Variants in CCSER1 observed in about 807,000 individuals in gnomAD.
CCSER1 encodes the protein serine-rich coiled-coil domain-containing protein 1.
Under a neutral mutation model 82.0 loss-of-function variants are expected in CCSER1, and 41 were observed. The observed-to-expected ratio is 0.50, with a 90% CI of 0.39 to 0.65. The LOEUF (loss-of-function observed/expected upper bound fraction) is 0.65. CCSER1 is among the 30% of genes least tolerant of loss of function. The pLI is 0.00. For synonymous variants in CCSER1, 414 were observed against 383.9 expected, an observed-to-expected ratio of 1.08 and a Z score of -0.92; for missense variants, 1,119 against 1,064.2, an observed-to-expected ratio of 1.05 and a Z score of -0.72.
chr4:91,534,288 T>C (rs1363132467), intron 10 of CCSER1, among the ~76,000 whole-genome samples: 1 of 152,074 alleles, frequency 6.6e-6, no homozygotes, highest in African/African-American at 2.4e-5. Flanking sequence ...TTTGCTCACA[T>C]TGATTTTGCT....
At chr4:91,113,250 A>G (rs985771343) in intron 10 of CCSER1, among the ~76,000 whole-genome samples, 1 of 152,126 alleles carries the variant, frequency 6.6e-6, no homozygotes, top group South Asian at 2.1e-4. Context: ...AACGCATGAC[A>G]TTGTGTTGGG....
chr4:90,712,903 CT>C (rs199959503), intron 6 of CCSER1, among the ~76,000 whole-genome samples: 19,739 of 133,356 alleles, frequency 0.15, 1,627 homozygotes, highest in Non-Finnish European at 0.2. Flanking sequence ...TCCTTCGTCT[CT>C]TTTTTTTTTT....
chr4:91,567,801 G>A (rs897800940), intron 10 of CCSER1, among the ~76,000 whole-genome samples: 1 of 152,006 alleles, frequency 6.6e-6, no homozygotes, highest in African/African-American at 2.4e-5. Context: ...TACCCACTGA[G>A]TCTTGCTTTC....
At chr4:90,313,086 C>T (rs1278594004) in intron 3 of CCSER1, 39 bp downstream of exon 3, 1 of 1,450,652 alleles carries the variant, frequency 6.9e-7, no homozygotes, top group Admixed American at 1.9e-5. Flanking sequence ...TAAAATAATG[C>T]TGTCTATATC....
At chr4:90,537,405 A>G (rs866989946) in intron 5 of CCSER1, among the ~76,000 whole-genome samples, 1 of 151,688 alleles carries the variant, frequency 6.6e-6, no homozygotes, top group Non-Finnish European at 1.5e-5. Context: ...TCATTTGGAC[A>G]TTTTATAATG....
At chr4:90,918,703 T>C (rs1465583484) in intron 8 of CCSER1, among the ~76,000 whole-genome samples, 1 of 151,480 alleles carries the variant, frequency 6.6e-6, no homozygotes. Flanking sequence ...ACCCAGCCTT[T>C]TTATATAGAC....
chr4:91,023,767 A>G (rs1043898266), intron 9 of CCSER1, among the ~76,000 whole-genome samples: 7 of 152,214 alleles, frequency 4.6e-5, no homozygotes, highest in Non-Finnish European at 1.0e-4. Context: ...TCATGTCTGA[A>G]ACACCAAAAG....
At chr4:90,752,573 G>A (rs1748834808) in intron 7 of CCSER1, among the ~76,000 whole-genome samples, 2 of 151,958 alleles carry the variant, frequency 1.3e-5, no homozygotes, top group African/African-American at 2.4e-5. Context: ...AATAGTGGGG[G>A]CAGTTTTCTT....
intron 10 of CCSER1, among the ~76,000 whole-genome samples, chr4:91,398,386 A>AT (rs1244209546): frequency 6.6e-6 from 1 of 152,084 alleles, no homozygotes; most frequent in East Asian, 1.9e-4. Flanking sequence ...TTTATGACAG[A>AT]TTTTTTGCTT....
intron 9 of CCSER1, among the ~76,000 whole-genome samples, chr4:91,078,070 G>A (rs1189320025): frequency 6.6e-6 from 1 of 152,238 alleles, no homozygotes; most frequent in Non-Finnish European, 1.5e-5. Flanking sequence ...AAATGTCCCT[G>A]TCTGGCGGCT....
chr4:90,613,379 G>T (rs796919370), intron 5 of CCSER1, among the ~76,000 whole-genome samples: 7 of 152,218 alleles, frequency 4.6e-5, no homozygotes, highest in African/African-American at 1.7e-4. Context: ...ATTTCAAGAT[G>T]GTGACAGAAG....
chr4:90,348,305 T>C (rs2153508780), intron 3 of CCSER1, among the ~76,000 whole-genome samples: 1 of 152,350 alleles, frequency 6.6e-6, no homozygotes, highest in South Asian at 2.1e-4. Flanking sequence ...TATTCTAAAA[T>C]GAAAGTTTTT....
chr4:90,786,187 G>T (rs530095117), intron 7 of CCSER1, among the ~76,000 whole-genome samples: 1 of 152,252 alleles, frequency 6.6e-6, no homozygotes, highest in African/African-American at 2.4e-5. Context: ...TGTTCTGTAG[G>T]GCACGTGGAA....
chr4:90,721,857 A>G (rs540339562), intron 6 of CCSER1, among the ~76,000 whole-genome samples: 1 of 151,468 alleles, frequency 6.6e-6, no homozygotes, highest in African/African-American at 2.4e-5. Context: ...AGCTGTTGTC[A>G]TACGAGATTG....
intron 10 of CCSER1, among the ~76,000 whole-genome samples, chr4:91,192,182 C>T (rs1379911326): frequency 6.6e-6 from 1 of 152,112 alleles, no homozygotes; most frequent in Non-Finnish European, 1.5e-5. Flanking sequence ...TACTGCCTTC[C>T]AGTTTTATGC....
chr4:91,211,164 A>ATGGG (rs952832913), intron 10 of CCSER1, among the ~76,000 whole-genome samples: 1 of 151,996 alleles, frequency 6.6e-6, no homozygotes, highest in Non-Finnish European at 1.5e-5. Context: ...AAGATAGAGA[A>ATGGG]TGGGCAAAGG....
chr4:91,213,698 C>T (rs1232397217), intron 10 of CCSER1, among the ~76,000 whole-genome samples: 2 of 152,062 alleles, frequency 1.3e-5, no homozygotes, highest in Admixed American at 1.3e-4. Flanking sequence ...CTTGGATTTA[C>T]AAAATTAATT....
chr4:90,243,444 T>G (rs1720775570), intron 1 of CCSER1, among the ~76,000 whole-genome samples: 1 of 152,082 alleles, frequency 6.6e-6, no homozygotes, highest in Non-Finnish European at 1.5e-5. Context: ...AGATGGGGTT[T>G]CACCATGTTG....
chr4:91,283,136 C>A (rs1439307171), intron 10 of CCSER1, among the ~76,000 whole-genome samples: 1 of 151,922 alleles, frequency 6.6e-6, no homozygotes, highest in African/African-American at 2.4e-5. Context: ...TGACAGAGGT[C>A]ATTGCTAGGA....
Sources: allele counts gnomAD v4.1 joint callset (sites outside exome capture counted in the v4.1 genomes callset), GRCh38; gene constraint gnomAD v4.1.1; transcripts MANE v1.5; gene names NCBI Gene and HGNC (gene_info 2026-07-23, HGNC 2026-07-21).